Variants in TMIGD3 observed in about 807,000 individuals in gnomAD.
The protein encoded by TMIGD3 is transmembrane and immunoglobulin domain containing 3.
A neutral mutation model predicts 28.1 loss-of-function variants in TMIGD3; 21 were observed. That is an observed-to-expected ratio of 0.75 (90% CI 0.53 to 1.08). TMIGD3 has a LOEUF of 1.08. Ranked by LOEUF, TMIGD3 falls within the 50% of genes least tolerant of loss-of-function variation. The pLI is 0.00. For missense variants in TMIGD3, 416 were observed against 435.6 expected (o/e 0.96, Z 0.40); for synonymous variants, 151 against 162.1 (o/e 0.93, Z 0.52).
chr1:111,543,361 C>A (rs967125711), intron 1 of TMIGD3, among the ~76,000 whole-genome samples: 2 of 152,026 alleles, frequency 1.3e-5, no homozygotes, highest in Non-Finnish European at 2.9e-5. Context: ...CAGGGAGATT[C>A]GCTGCCAAAA....
At chr1:111,500,587 C>T (rs772728454) in intron 1 of TMIGD3, 43 of 1,603,624 alleles carry the variant, frequency 2.7e-5, no homozygotes, top group Non-Finnish European at 3.6e-5. Flanking sequence ...AGTGAGTCCA[C>T]AGCAGTAATT....
upstream of TMIGD3, among the ~76,000 whole-genome samples, chr1:111,506,893 A>C: frequency 1.8e-5 from 1 of 56,580 alleles, no homozygotes; most frequent in South Asian, 5.2e-4. Flanking sequence ...TCTTAAAAAC[A>C]AAAAATATAT....
At chr1:111,520,651 A>G (rs773520069) in intron 1 of TMIGD3, among the ~76,000 whole-genome samples, 2 of 152,226 alleles carry the variant, frequency 1.3e-5, no homozygotes, top group Non-Finnish European at 2.9e-5. Context: ...TTCAAACTAC[A>G]GGTATCAATT....
chr1:111,494,559 C>T (rs749930187), intron 1 of TMIGD3, among the ~76,000 whole-genome samples: 12 of 152,086 alleles, frequency 7.9e-5, no homozygotes, highest in Non-Finnish European at 1.5e-4. Context: ...ACATTCCATG[C>T]TCATAGATAG....
intron 1 of TMIGD3, among the ~76,000 whole-genome samples, chr1:111,523,234 CAAT>C (rs1273376488): frequency 6.6e-6 from 1 of 152,122 alleles, no homozygotes; most frequent in Non-Finnish European, 1.5e-5. Flanking sequence ...TCTATTGACA[CAAT>C]GATATGGTTT....
chr1:111,544,166 C>T (rs143001635), intron 1 of TMIGD3, among the ~76,000 whole-genome samples: 142 of 152,248 alleles, frequency 9.3e-4, no homozygotes, highest in Non-Finnish European at 1.1e-3. Context: ...TCTAAATTTA[C>T]GCAGGCATAA....
chr1:111,532,304 C>T (rs1391029047), intron 1 of TMIGD3, among the ~76,000 whole-genome samples: 6 of 152,192 alleles, frequency 3.9e-5, no homozygotes, highest in Non-Finnish European at 8.8e-5. Flanking sequence ...ATCTTCTCAA[C>T]CACAGGAAGG....
At chr1:111,487,009 G>A (rs1337774877) in intron 3 of TMIGD3, among the ~76,000 whole-genome samples, 3 of 152,200 alleles carry the variant, frequency 2.0e-5, no homozygotes, top group Non-Finnish European at 4.4e-5. Context: ...CCTCCCCATA[G>A]GAGGGGATGC....
intron 1 of TMIGD3, among the ~76,000 whole-genome samples, chr1:111,556,362 T>C (rs1210849655): frequency 6.6e-6 from 1 of 152,196 alleles, no homozygotes; most frequent in South Asian, 2.1e-4. Flanking sequence ...TAAAATAGTA[T>C]GGCAGTTTCT....
intron 1 of TMIGD3, among the ~76,000 whole-genome samples, chr1:111,536,156 T>C (rs1001262122): frequency 1.3e-5 from 2 of 152,122 alleles, no homozygotes; most frequent in Non-Finnish European, 2.9e-5. Flanking sequence ...GCTTCTCCTG[T>C]GCCTCATACA....
At chr1:111,559,497 C>A (rs1004397002) in intron 1 of TMIGD3, among the ~76,000 whole-genome samples, 5 of 152,100 alleles carry the variant, frequency 3.3e-5, no homozygotes, top group African/African-American at 1.2e-4. Context: ...TTTCCAGTAC[C>A]CAGCTGTGTG....
At chr1:111,499,826 T>A in intron 1 of TMIGD3, 1 of 1,513,176 alleles carries the variant, frequency 6.6e-7, no homozygotes. Flanking sequence ...GCACTGGAGA[T>A]GCTCCCACCT....
chr1:111,546,907 A>G (rs747387001), intron 1 of TMIGD3, among the ~76,000 whole-genome samples: 15 of 152,104 alleles, frequency 9.9e-5, no homozygotes, highest in Non-Finnish European at 1.5e-4. Flanking sequence ...AAGGAATTTA[A>G]TTTCTCCATA....
chr1:111,521,491 T>A (rs1656059974), intron 1 of TMIGD3, among the ~76,000 whole-genome samples: 1 of 152,192 alleles, frequency 6.6e-6, no homozygotes, highest in African/African-American at 2.4e-5. Context: ...CATAATGGTA[T>A]CTCATTTTAA....
In TMIGD3 at chr1:111,488,966, G is replaced by A. The variant is rs976187790; in HGVS notation, c.516C>T (p.Ala172=). 6.2e-7 allele frequency: 1 copy of A among 1,614,140 alleles called. No homozygotes were observed. The highest frequency in any genetic ancestry group is 2.2e-5 in the East Asian group (1 of 44,878). ...KRSFVLDTAS[A]ICNYNAHYKN... ...TGTAGTGGGCATTGTAGTTGCAGATGGCAGAAGCCGTGTCCAGCACAAAGC... is the reference window on the plus strand; with the variant it reads ...TGTAGTGGGCATTGTAGTTGCAGATAGCAGAAGCCGTGTCCAGCACAAAGC... Residue 172 remains alanine (A), a synonymous_variant, in exon 3 of 6, where the codon GCC becomes GCT. Coordinates refer to ENST00000369716, the MANE Select transcript of TMIGD3 (RefSeq NM_020683.7).
intron 1 of TMIGD3, among the ~76,000 whole-genome samples, chr1:111,498,020 C>T (rs1485139262): frequency 6.6e-6 from 1 of 152,144 alleles, no homozygotes; most frequent in Non-Finnish European, 1.5e-5. Context: ...TAGAATAAAC[C>T]TAGGGCCTCA....
At position 111,488,974 on chromosome 1, in the gene TMIGD3, C is replaced by A; in HGVS notation, c.508G>T (p.Ala170Ser). ...KVKRSFVLDT[A>S]SAICNYNAHY... is the part of the protein sequence containing the mutation. ...GCATTGTAGTTGCAGATGGCAGAAG[C>A]CGTGTCCAGCACAAAGCTTCTCTTG... The change falls in exon 3 of 6, where the codon GCT (alanine) becomes TCT (serine). Residue 170 changes from alanine (A) to serine (S), a missense_variant. Ala to Ser is a moderately conservative substitution (Grantham distance 99). Coordinates refer to ENST00000369716, the MANE Select transcript of TMIGD3 (RefSeq NM_020683.7). The A allele has an allele frequency of 6.2e-7, 1 of 1,614,136 alleles. No individual in the cohort carries two copies. The highest frequency in any genetic ancestry group is 8.5e-7 in the Non-Finnish European group (1 of 1,180,002).
chr1:111,500,115 C>T (rs1435662288), intron 1 of TMIGD3: 1 of 1,614,146 alleles, frequency 6.2e-7, no homozygotes, highest in Non-Finnish European at 8.5e-7. Flanking sequence ...TGCCCATGTA[C>T]AGCACAAGCT....
At chr1:111,489,469 C>T (rs1225361331) in intron 2 of TMIGD3, 1 of 766,040 alleles carries the variant, frequency 1.3e-6, no homozygotes, top group Non-Finnish European at 1.6e-6. Context: ...GAACTTACCA[C>T]CTTCATAACA....
Sources: allele counts gnomAD v4.1 joint callset (sites outside exome capture counted in the v4.1 genomes callset), GRCh38; gene constraint gnomAD v4.1.1; transcripts MANE v1.5; gene names NCBI Gene and HGNC (gene_info 2026-07-23, HGNC 2026-07-21).